Variants in CHST11 observed in about 807,000 individuals in gnomAD.
CHST11 encodes the protein carbohydrate sulfotransferase 11, also known as C4S-1.
CHST11 carries 9 observed loss-of-function variants against 30.4 expected under a neutral mutation model. The observed-to-expected ratio is 0.30, with a 90% confidence interval of 0.18 to 0.52. The LOEUF is 0.52. CHST11 is among the 20% of genes least tolerant of loss of function. The pLI is 0.97. For synonymous variants in CHST11, 152 were observed against 187.8 expected (o/e 0.81, Z 1.56); for missense variants, 348 against 460.6 (o/e 0.76, Z 2.24).
chr12:104,757,273 A>G lies in CHST11; in HGVS notation c.529A>G (p.Lys177Glu). The change falls in exon 3 of 3, where the codon AAA (lysine) becomes GAA (glutamate). Residue 177 changes from lysine (K) to glutamate (E), a missense_variant. By Grantham distance (56) the Lys-to-Glu change is moderately conservative (BLOSUM62 1). Around this residue, in one of 3 missense-constraint regions of CHST11, gnomAD observed 210 missense variants for 287.2 expected, o/e 0.73. Transcript: ENST00000303694. The surrounding 1 kb of genome is among the most constrained non-coding windows in gnomAD (Gnocchi z 6.5). Reference sequence around the variant, plus strand: ...CATCCCAGAAATCAACCACCGCTTGAAAAGCTACATGAAGTTCCTGTTTGT... The same window carrying G: ...CATCCCAGAAATCAACCACCGCTTGGAAAGCTACATGAAGTTCCTGTTTGT... ...YSIPEINHRLKSYMKFLFVRE... is the reference protein window; with the variant it reads ...YSIPEINHRLESYMKFLFVRE... The G allele has an allele frequency of 6.2e-7, 1 of 1,614,156 alleles. No individual in the cohort carries two copies. Among genetic ancestry groups the G allele is most frequent in the African/African-American group, 1.3e-5 (1 of 75,038 alleles).
At chr12:104,466,781 T>C (rs143567623) in intron 1 of CHST11, among the ~76,000 whole-genome samples, 2 of 152,374 alleles carry the variant, frequency 1.3e-5, no homozygotes, top group East Asian at 3.9e-4. Flanking sequence ...AATTTCTGCA[T>C]ATTACTACCA....
At chr12:104,695,900 A>T (rs376368046) in intron 2 of CHST11, among the ~76,000 whole-genome samples, 2 of 152,136 alleles carry the variant, frequency 1.3e-5, no homozygotes, top group East Asian at 1.9e-4. Context: ...AGCCAACCCG[A>T]TGAATAACGT....
In CHST11 at chr12:104,458,023, G is replaced by A. The variant is rs934766158; in HGVS notation, c.118+494G>A. Among the ~76,000 whole-genome samples the A allele has an allele frequency of 1.3e-5, 2 of 151,876 alleles. No individual in the cohort carries two copies. The highest frequency in any genetic ancestry group is 2.9e-5 in the Non-Finnish European group (2 of 67,904). On this transcript the variant is annotated intron_variant, in intron 1 of 2. Coordinates refer to ENST00000303694, the MANE Select transcript of CHST11 (RefSeq NM_018413.6). The surrounding 1 kb of genome is among the most constrained non-coding windows in gnomAD (Gnocchi z 5.7). The stretch of plus-strand genomic sequence containing the variant: ...CTGGTTGCCGGGCCGGGGGCGAAGG[G>A]TGTACGCCCCGGCGAGGTTGCGAGT...
At chr12:104,716,170 G>T (rs934474986) in intron 2 of CHST11, among the ~76,000 whole-genome samples, 1 of 152,250 alleles carries the variant, frequency 6.6e-6, no homozygotes, top group Non-Finnish European at 1.5e-5. Context: ...CAGAGCCAAT[G>T]TCGCAGACAT....
chr12:104,542,079 A>G (rs2136002228), intron 1 of CHST11, among the ~76,000 whole-genome samples: 1 of 152,360 alleles, frequency 6.6e-6, no homozygotes, highest in South Asian at 2.1e-4. Flanking sequence ...AACTAACTTC[A>G]TCTTTCCTCA....
intron 2 of CHST11, among the ~76,000 whole-genome samples, chr12:104,742,772 G>A (rs1018340958): frequency 4.6e-5 from 7 of 152,180 alleles, no homozygotes; most frequent in South Asian, 2.1e-4. Flanking sequence ...AGCCCTTGGC[G>A]CCCTCCCCCT....
chr12:104,506,707 G>C (rs184009331), intron 1 of CHST11, among the ~76,000 whole-genome samples: 70 of 152,316 alleles, frequency 4.6e-4, no homozygotes, highest in African/African-American at 1.6e-3. Flanking sequence ...CGCAGGAAAT[G>C]TTCCCCAGGC....
intron 2 of CHST11, among the ~76,000 whole-genome samples, chr12:104,622,253 A>G (rs1005079259): frequency 6.6e-6 from 1 of 152,228 alleles, no homozygotes; most frequent in Non-Finnish European, 1.5e-5. Context: ...ACAACCACAC[A>G]TTCAACGTGA....
At chr12:104,671,924 T>C (rs1374407457) in intron 2 of CHST11, among the ~76,000 whole-genome samples, 14 of 152,070 alleles carry the variant, frequency 9.2e-5, no homozygotes, top group Non-Finnish European at 1.9e-4. Flanking sequence ...TCTCCATAAC[T>C]GGGGTGTGGT....
At position 104,761,717 on chromosome 12, in the gene CHST11, C is replaced by T. The variant is rs1467158327; in HGVS notation, c.*3914C>T. Reference sequence around the variant, plus strand: ...ATAACAGGCAAATTTCAGTCTGCTACACTTTGTTAGGTCCAGAAGGAGCTG... The same window carrying T: ...ATAACAGGCAAATTTCAGTCTGCTATACTTTGTTAGGTCCAGAAGGAGCTG... On this transcript the variant is annotated 3_prime_UTR_variant, in exon 3 of 3. Transcript: ENST00000303694. 6.6e-6 allele frequency: 1 copy of T among 152,268 alleles called. No homozygotes were observed. Among genetic ancestry groups the T allele is most frequent in the African/African-American group, 2.4e-5 (1 of 41,462 alleles). The allele number at this position is 152,268 out of a possible 1,614,324, so 9.4% of individuals were successfully genotyped here.
chr12:104,490,002 T>C (rs1252501368), intron 1 of CHST11, among the ~76,000 whole-genome samples: 1 of 152,204 alleles, frequency 6.6e-6, no homozygotes, highest in African/African-American at 2.4e-5. Flanking sequence ...ACTTGGAGCC[T>C]GATGAAGTTC....
At chr12:104,522,612 C>T (rs1259293157) in intron 1 of CHST11, among the ~76,000 whole-genome samples, 2 of 152,142 alleles carry the variant, frequency 1.3e-5, no homozygotes, top group African/African-American at 4.8e-5. Flanking sequence ...TATGTTCCAT[C>T]ATTTTATTTT....
intron 1 of CHST11, among the ~76,000 whole-genome samples, chr12:104,598,757 G>A (rs2038930064): frequency 6.6e-6 from 1 of 152,190 alleles, no homozygotes; most frequent in South Asian, 2.1e-4. Flanking sequence ...AGATCACTGG[G>A]CCCCTCCTGA....
intron 2 of CHST11, among the ~76,000 whole-genome samples, chr12:104,738,481 AG>A (rs1437605638): frequency 6.6e-6 from 1 of 152,218 alleles, no homozygotes; most frequent in African/African-American, 2.4e-5. Flanking sequence ...GCTTAATAAA[AG>A]CAGTGAACAT....
intron 2 of CHST11, among the ~76,000 whole-genome samples, chr12:104,635,857 A>G (rs564417729): frequency 6.6e-6 from 1 of 152,314 alleles, no homozygotes; most frequent in South Asian, 2.1e-4. Context: ...ACTATTATGT[A>G]TCCATAATAA....
chr12:104,539,354 C>A (rs749141582), intron 1 of CHST11, among the ~76,000 whole-genome samples: 3 of 152,176 alleles, frequency 2.0e-5, no homozygotes, highest in Non-Finnish European at 4.4e-5. Flanking sequence ...AGATAATGCA[C>A]CACACCTAGT....
At chr12:104,679,395 T>C (rs916457306) in intron 2 of CHST11, among the ~76,000 whole-genome samples, 5 of 152,062 alleles carry the variant, frequency 3.3e-5, no homozygotes, top group African/African-American at 1.2e-4. Flanking sequence ...CACCGAGGCC[T>C]GGAACCAATT....
chr12:104,475,050 T>C (rs901899715), intron 1 of CHST11, among the ~76,000 whole-genome samples: 3 of 152,208 alleles, frequency 2.0e-5, no homozygotes. Context: ...ATTTAGACTA[T>C]TTCTAAGGTC....
rs978903904 is a variant in CHST11 at position 104,600,547 on chromosome 12, G to C, written c.119-1359G>C. Among the ~76,000 whole-genome samples, 1 of 152,202 alleles carries C rather than the reference G, an allele frequency of 6.6e-6. No homozygotes were observed. Among genetic ancestry groups the C allele is most frequent in the Non-Finnish European group, 1.5e-5 (1 of 68,036 alleles). ...TCATTTAATCTTCACATCCAACCCA[G>C]GAAGTTAGATGCCCCTGTCATTCCC... On this transcript the variant is annotated intron_variant, in intron 1 of 2. Coordinates refer to ENST00000303694, the MANE Select transcript of CHST11 (RefSeq NM_018413.6). The surrounding 1 kb of genome is among the most constrained non-coding windows in gnomAD (Gnocchi z 4.1).
Sources: allele counts gnomAD v4.1 joint callset (sites outside exome capture counted in the v4.1 genomes callset), GRCh38; gene constraint gnomAD v4.1.1; regional missense constraint gnomAD v4.1.1; non-coding constraint Gnocchi (gnomAD v3.1); transcripts MANE v1.5; gene names NCBI Gene and HGNC (gene_info 2026-07-23, HGNC 2026-07-21).